The following EPHA6 variants were observed in gnomAD, a reference collection of about 807,000 sequenced individuals.
EPHA6 encodes ephrin type-A receptor 6.
Under a neutral mutation model 112.0 loss-of-function variants are expected in EPHA6, and 50 were observed. The observed-to-expected ratio is 0.45, with a 90% CI of 0.36 to 0.56. EPHA6 has a LOEUF of 0.56. Among genes scored for constraint, EPHA6 ranks in the 20% least tolerant of loss-of-function variants. EPHA6 has a pLI of 0.00. For synonymous variants in EPHA6, 529 were observed against 490.7 expected (o/e 1.08, Z -1.03); for missense variants, 1,280 against 1,417.4 (o/e 0.90, Z 1.56).
chr3:97,147,472 AC>A (rs2076070952), intron 3 of EPHA6, among the ~76,000 whole-genome samples: 1 of 152,046 alleles, frequency 6.6e-6, no homozygotes, highest in Admixed American at 6.6e-5. Context: ...ACAAAGTGGC[AC>A]TACTTACTGA....
At chr3:96,893,353 CAT>C (rs1386274873) in intron 2 of EPHA6, among the ~76,000 whole-genome samples, 1 of 152,106 alleles carries the variant, frequency 6.6e-6, no homozygotes. Context: ...CCTTGCATCT[CAT>C]GTTTATTGTG....
intron 3 of EPHA6, among the ~76,000 whole-genome samples, chr3:97,146,266 T>C (rs536614376): frequency 6.6e-6 from 1 of 152,010 alleles, no homozygotes; most frequent in African/African-American, 2.4e-5. Flanking sequence ...CATTCTTTCT[T>C]AGTGTAGTTT....
At chr3:96,996,022 C>T (rs756468727) in intron 3 of EPHA6, among the ~76,000 whole-genome samples, 1 of 152,076 alleles carries the variant, frequency 6.6e-6, no homozygotes, top group Non-Finnish European at 1.5e-5. Context: ...TGGAGTCAGT[C>T]CTCTCAAACC....
At chr3:96,822,483 T>C (rs1442037347) in intron 1 of EPHA6, among the ~76,000 whole-genome samples, 1 of 151,828 alleles carries the variant, frequency 6.6e-6, no homozygotes, top group Non-Finnish European at 1.5e-5. Flanking sequence ...TTGATAGATG[T>C]AATTGACAAC....
intron 12 of EPHA6, among the ~76,000 whole-genome samples, chr3:97,603,924 T>C (rs2093661125): frequency 6.6e-6 from 1 of 151,816 alleles, no homozygotes; most frequent in Non-Finnish European, 1.5e-5. Flanking sequence ...CCTTATTAGC[T>C]CTGCAAACCA....
intron 14 of EPHA6, among the ~76,000 whole-genome samples, chr3:97,675,145 A>G (rs1300470984): frequency 6.6e-6 from 1 of 152,212 alleles, no homozygotes; most frequent in Non-Finnish European, 1.5e-5. Flanking sequence ...TCATCGTTAA[A>G]CAAAACATGC....
chr3:97,316,174 G>A (rs959673460), intron 5 of EPHA6, among the ~76,000 whole-genome samples: 4 of 151,904 alleles, frequency 2.6e-5, no homozygotes, highest in African/African-American at 9.7e-5. Flanking sequence ...AGATATGGGA[G>A]AATATGAGCT....
Position 97,197,635 on chromosome 3 carries a change from G to T in EPHA6, c.1115-28629G>T, listed in dbSNP as rs1376604179. Among the ~76,000 whole-genome samples, 3 of 151,870 alleles carry T rather than the reference G, an allele frequency of 2.0e-5. No individual in the cohort carries two copies. The East Asian group carries it at 5.9e-4, about 30-fold the overall frequency. The stretch of plus-strand genomic sequence containing the variant: ...AGAATTCTGAGTTGTGCTGCCTGGG[G>T]TTGGGGGATGGGTGACACAAATACT... On this transcript the variant is annotated intron_variant, in intron 3 of 17. Transcript: ENST00000389672.
At chr3:96,989,221 G>T (rs2043130388) in intron 3 of EPHA6, among the ~76,000 whole-genome samples, 1 of 152,046 alleles carries the variant, frequency 6.6e-6, no homozygotes, top group African/African-American at 2.4e-5. Context: ...AAGTTTTAAA[G>T]GTTTTTTCTG....
At chr3:97,558,470 C>T (rs893943979) in intron 11 of EPHA6, among the ~76,000 whole-genome samples, 1 of 151,936 alleles carries the variant, frequency 6.6e-6, no homozygotes, top group African/African-American at 2.4e-5. Flanking sequence ...ACTGTTTTCC[C>T]TTCATGGTTA....
At chr3:97,120,454 A>G (rs2048010911) in intron 3 of EPHA6, among the ~76,000 whole-genome samples, 1 of 151,924 alleles carries the variant, frequency 6.6e-6, no homozygotes, top group Non-Finnish European at 1.5e-5. Context: ...GGGAAGTACA[A>G]AAGCTTAAAA....
At chr3:97,045,540 G>GT (rs1261096316) in intron 3 of EPHA6, among the ~76,000 whole-genome samples, 2 of 151,796 alleles carry the variant, frequency 1.3e-5, no homozygotes, top group Non-Finnish European at 2.9e-5. Context: ...AGAAAGAAAG[G>GT]TTGATTGTTC....
chr3:96,854,498 T>G (rs1238081970), intron 1 of EPHA6, among the ~76,000 whole-genome samples: 1 of 152,106 alleles, frequency 6.6e-6, no homozygotes, highest in East Asian at 1.9e-4. Context: ...TACTTTATAC[T>G]TTCTGTTTTC....
At chr3:97,355,336 T>C (rs1007197537) in intron 5 of EPHA6, among the ~76,000 whole-genome samples, 2 of 152,086 alleles carry the variant, frequency 1.3e-5, no homozygotes, top group African/African-American at 4.8e-5. Flanking sequence ...TAATAAGATA[T>C]AAATAGAAAC....
intron 2 of EPHA6, among the ~76,000 whole-genome samples, chr3:96,964,687 C>T (rs1277378603): frequency 6.6e-6 from 1 of 152,102 alleles, no homozygotes; most frequent in Non-Finnish European, 1.5e-5. Flanking sequence ...CCAGTTACTA[C>T]AAAACATGCT....
intron 3 of EPHA6, among the ~76,000 whole-genome samples, chr3:97,174,048 C>T (rs2108434502): frequency 6.6e-6 from 1 of 151,844 alleles, no homozygotes; most frequent in Middle Eastern, 3.4e-3. Flanking sequence ...CTACCCTTCC[C>T]AGCCTCTGAT....
At chr3:97,234,390 T>C (rs1247336791) in intron 4 of EPHA6, among the ~76,000 whole-genome samples, 1 of 152,162 alleles carries the variant, frequency 6.6e-6, no homozygotes, top group Non-Finnish European at 1.5e-5. Flanking sequence ...TCATTGGCTA[T>C]GTCTACTTTT....
At chr3:97,232,181 C>A (rs893971987) in intron 4 of EPHA6, among the ~76,000 whole-genome samples, 4 of 152,174 alleles carry the variant, frequency 2.6e-5, no homozygotes, top group Non-Finnish European at 5.9e-5. Flanking sequence ...TTTAACTTCT[C>A]TTGACTCCAG....
intron 3 of EPHA6, among the ~76,000 whole-genome samples, chr3:97,122,045 A>G (rs1467766340): frequency 6.6e-6 from 1 of 152,100 alleles, no homozygotes; most frequent in African/African-American, 2.4e-5. Context: ...AGAACATACT[A>G]TGCCAGAAAT....
Sources: gnomAD v4.1 joint callset for allele counts (sites outside exome capture counted in the v4.1 genomes callset) on GRCh38, gnomAD v4.1.1 for gene constraint, MANE v1.5 for transcripts, NCBI Gene and HGNC (gene_info 2026-07-23, HGNC 2026-07-21) for gene names.